The following SEM1 variants were observed in gnomAD, a reference collection of about 807,000 sequenced individuals.
SEM1 encodes the protein 26S proteasome complex subunit SEM1.
SEM1 carries 3 observed loss-of-function variants against 12.7 expected under a neutral mutation model. The observed-to-expected ratio is 0.24, with a 90% confidence interval of 0.11 to 0.61. SEM1 has a LOEUF of 0.61. SEM1 is among the 20% of genes least tolerant of loss of function. The pLI, the probability that SEM1 is intolerant of heterozygous loss-of-function variation, is 0.88. For missense variants in SEM1, 59 were observed against 81.3 expected, an observed-to-expected ratio of 0.73 and a Z score of 1.06; for synonymous variants, 30 against 27.8, an observed-to-expected ratio of 1.08 and a Z score of -0.25.
chr7:96,682,944 CAT>C (rs1789656903), intron 2 of SEM1, among the ~76,000 whole-genome samples: 1 of 152,240 alleles, frequency 6.6e-6, no homozygotes, highest in African/African-American at 2.4e-5. Context: ...AGCCAACAAA[CAT>C]ATGAAAAAGT....
At chr7:96,563,426 C>T (rs1320191158) in intron 2 of SEM1, among the ~76,000 whole-genome samples, 6 of 151,988 alleles carry the variant, frequency 3.9e-5, no homozygotes, top group Non-Finnish European at 8.8e-5. Context: ...TGCCAGGCAG[C>T]ATAAACAACA....
chr7:96,529,942 T>G (rs940072268), intron 2 of SEM1, among the ~76,000 whole-genome samples: 19 of 152,058 alleles, frequency 1.2e-4, no homozygotes, highest in African/African-American at 3.9e-4. Flanking sequence ...TAAAAACAGT[T>G]GTACAACTTC....
At chr7:96,502,414 C>T (rs986253388) in intron 3 of SEM1, among the ~76,000 whole-genome samples, 4 of 152,012 alleles carry the variant, frequency 2.6e-5, no homozygotes, top group Non-Finnish European at 4.4e-5. Flanking sequence ...TAAAGACTGC[C>T]GATCCTGGTG....
At chr7:96,703,378 G>A (rs55902035) in intron 1 of SEM1, among the ~76,000 whole-genome samples, 13,547 of 152,122 alleles carry the variant, frequency 0.089, 806 homozygotes, top group African/African-American at 0.15. Context: ...CCATCAGGTT[G>A]GCAACTTATT....
chr7:96,695,949 T>G (rs1270270187), intron 1 of SEM1: 2 of 151,992 alleles, frequency 1.3e-5, no homozygotes, highest in Non-Finnish European at 2.9e-5. Context: ...GAGCCTTATC[T>G]TTTAAAGCAA....
chr7:96,646,868 C>T (rs1808810510), intron 2 of SEM1, among the ~76,000 whole-genome samples: 1 of 152,144 alleles, frequency 6.6e-6, no homozygotes, highest in Non-Finnish European at 1.5e-5. Flanking sequence ...GGCTAATGCT[C>T]ACTAGTATCA....
chr7:96,666,075 A>G (rs750039385), intron 2 of SEM1, among the ~76,000 whole-genome samples: 5 of 152,216 alleles, frequency 3.3e-5, no homozygotes, highest in Non-Finnish European at 5.9e-5. Context: ...TTAAATGTGG[A>G]TAAGGACCTG....
chr7:96,517,753 G>T (rs1788848109), intron 2 of SEM1, among the ~76,000 whole-genome samples: 4 of 152,056 alleles, frequency 2.6e-5, no homozygotes. Flanking sequence ...TGTTAAATAT[G>T]TGGCATATAT....
chr7:96,577,417 G>T (rs187591748), intron 2 of SEM1, among the ~76,000 whole-genome samples: 22 of 151,952 alleles, frequency 1.4e-4, no homozygotes, highest in Admixed American at 1.4e-3. Context: ...AAAATGTTAC[G>T]ATTAATTATA....
At chr7:96,561,504 C>T (rs1404101349) in intron 2 of SEM1, among the ~76,000 whole-genome samples, 6 of 152,202 alleles carry the variant, frequency 3.9e-5, no homozygotes, top group Admixed American at 6.5e-5. Context: ...AAACCTTCGA[C>T]GCCTATAACC....
downstream of SEM1, among the ~76,000 whole-genome samples, chr7:96,687,551 C>T (rs1213502720): frequency 1.3e-5 from 2 of 151,480 alleles, no homozygotes; most frequent in African/African-American, 4.9e-5. Flanking sequence ...CCAAACACCG[C>T]ATGTTCTCAC....
At chr7:96,676,627 A>G (rs1454008927) in intron 2 of SEM1, among the ~76,000 whole-genome samples, 1 of 152,220 alleles carries the variant, frequency 6.6e-6, no homozygotes, top group Admixed American at 6.6e-5. Context: ...TTTTATTGAG[A>G]GATATCACGG....
chr7:96,493,289 T>C (rs1454897968), intron 1 of SEM1, among the ~76,000 whole-genome samples: 1 of 152,050 alleles, frequency 6.6e-6, no homozygotes, highest in Admixed American at 6.6e-5. Context: ...AAATGTTAAT[T>C]GAAGCTACCA....
intron 2 of SEM1, among the ~76,000 whole-genome samples, chr7:96,533,286 T>G (rs1804692986): frequency 6.6e-6 from 1 of 151,988 alleles, no homozygotes. Context: ...TTGGCTCCAT[T>G]GCTAGTTGAC....
intron 2 of SEM1, among the ~76,000 whole-genome samples, chr7:96,519,370 A>G (rs767426357): frequency 3.9e-5 from 6 of 152,170 alleles, no homozygotes; most frequent in Admixed American, 1.3e-4. Context: ...ACTTAATTCT[A>G]GAAAGAAGAG....
chr7:96,666,507 C>T (rs1789175540), intron 2 of SEM1, among the ~76,000 whole-genome samples: 1 of 152,050 alleles, frequency 6.6e-6, no homozygotes, highest in Admixed American at 6.6e-5. Flanking sequence ...ATAGCAGGTA[C>T]TCAATAAAGT....
At chr7:96,700,968 A>T (rs1389589326) in intron 1 of SEM1, among the ~76,000 whole-genome samples, 3 of 152,200 alleles carry the variant, frequency 2.0e-5, no homozygotes, top group Non-Finnish European at 4.4e-5. Context: ...CAATTTTTTT[A>T]AATTTACAAG....
intron 2 of SEM1, among the ~76,000 whole-genome samples, chr7:96,568,346 T>C (rs1295477517): frequency 6.6e-6 from 1 of 151,842 alleles, no homozygotes; most frequent in Non-Finnish European, 1.5e-5. Context: ...TATTTTCGCT[T>C]TCTCCATCTC....
At chr7:96,511,363 G>A (rs534688783) in intron 2 of SEM1, among the ~76,000 whole-genome samples, 8 of 152,202 alleles carry the variant, frequency 5.3e-5, no homozygotes, top group South Asian at 4.1e-4. Context: ...TTTAAGAGAG[G>A]TATACAATTT....
Sources: gnomAD v4.1 joint callset for allele counts (sites outside exome capture counted in the v4.1 genomes callset) on GRCh38, gnomAD v4.1.1 for gene constraint, MANE v1.5 for transcripts, NCBI Gene and HGNC (gene_info 2026-07-23, HGNC 2026-07-21) for gene names.